The following ACOT7 variants were observed in gnomAD, a reference collection of about 807,000 sequenced individuals.
ACOT7 encodes the protein cytosolic acyl coenzyme A thioester hydrolase.
A neutral mutation model predicts 40.2 loss-of-function variants in ACOT7; 12 were observed. The ratio of observed to expected loss-of-function variants is 0.30; its 90% CI spans 0.19 to 0.48. The LOEUF (loss-of-function observed/expected upper bound fraction) is 0.48, where lower values mean the gene tolerates loss of function less well. Among genes scored for constraint, ACOT7 ranks in the 20% least tolerant of loss-of-function variants. ACOT7 has a pLI of 0.99. For synonymous variants in ACOT7, 228 were observed against 219.5 expected, an observed-to-expected ratio of 1.04 and a Z score of -0.34; for missense variants, 395 against 530.8, an observed-to-expected ratio of 0.74 and a Z score of 2.51.
At chr1:6,295,064 C>T in intron 6 of ACOT7, 84 bp from the exon 7 acceptor site, 3 of 1,069,140 alleles carry the variant, frequency 2.8e-6, no homozygotes, top group Non-Finnish European at 4.2e-6. Flanking sequence ...ACAACTCGAG[C>T]CCTCCCCTCC....
chr1:6,354,202 A>G (rs1240743512), intron 1 of ACOT7, among the ~76,000 whole-genome samples: 3 of 152,078 alleles, frequency 2.0e-5, no homozygotes, highest in Non-Finnish European at 4.4e-5. Flanking sequence ...GCTGATGACA[A>G]GGGCTCTGAG....
intron 7 of ACOT7, among the ~76,000 whole-genome samples, chr1:6,287,476 T>C (rs1639536516): frequency 6.6e-6 from 1 of 152,144 alleles, no homozygotes; most frequent in African/African-American, 2.4e-5. Flanking sequence ...GAGAAGTAAA[T>C]GGTATGAAGC....
At chr1:6,383,249 G>A (rs1365114668) in intron 1 of ACOT7, among the ~76,000 whole-genome samples, 8 of 144,864 alleles carry the variant, frequency 5.5e-5, no homozygotes, top group Admixed American at 2.1e-4. Flanking sequence ...GTGTAGTGGC[G>A]CAATCTCAGC....
At chr1:6,392,028 C>A (rs1454619623) in intron 1 of ACOT7, among the ~76,000 whole-genome samples, 2 of 152,076 alleles carry the variant, frequency 1.3e-5, no homozygotes, top group Admixed American at 1.3e-4. Flanking sequence ...GCAGGGCTCC[C>A]CCAAAGACGT....
intron 5 of ACOT7, among the ~76,000 whole-genome samples, chr1:6,325,167 G>A (rs1640763419): frequency 6.6e-6 from 1 of 152,242 alleles, no homozygotes; most frequent in Non-Finnish European, 1.5e-5. Context: ...GGGAGGCCGA[G>A]GTGGGCGGAT....
chr1:6,313,871 G>C (rs1640411344), intron 6 of ACOT7, among the ~76,000 whole-genome samples: 1 of 152,126 alleles, frequency 6.6e-6, no homozygotes, highest in Admixed American at 6.5e-5. Context: ...GGTGGCAGCT[G>C]AGCCTTTATT....
intron 2 of ACOT7, 99 bp from the exon 3 acceptor site, chr1:6,339,688 T>C: frequency 1.4e-6 from 2 of 1,450,060 alleles, no homozygotes; most frequent in Non-Finnish European, 1.8e-6. Flanking sequence ...GCCTTTGCTT[T>C]CATTCCCCAC....
chr1:6,268,676 G>A (rs539537364), intron 8 of ACOT7, among the ~76,000 whole-genome samples: 91 of 152,336 alleles, frequency 6.0e-4, no homozygotes, highest in Non-Finnish European at 1.1e-3. Context: ...CCACGCACGC[G>A]GCACGGCCCG....
At chr1:6,345,453 G>A (rs1040786057) in intron 2 of ACOT7, among the ~76,000 whole-genome samples, 2 of 152,204 alleles carry the variant, frequency 1.3e-5, no homozygotes, top group South Asian at 2.1e-4. Context: ...ACCTCTCCAC[G>A]TCTCAGTCTC....
chr1:6,269,865 C>T (rs1344064644), intron 8 of ACOT7, among the ~76,000 whole-genome samples: 1 of 152,246 alleles, frequency 6.6e-6, no homozygotes, highest in Non-Finnish European at 1.5e-5. Flanking sequence ...GCGTGGAGTG[C>T]CCGCCCATAA....
chr1:6,372,645 G>A (rs1642154042), intron 1 of ACOT7, among the ~76,000 whole-genome samples: 1 of 151,152 alleles, frequency 6.6e-6, no homozygotes, highest in South Asian at 2.1e-4. Flanking sequence ...CCACCTCTGG[G>A]TTCAAGAGGT....
At chr1:6,268,214 G>C (rs1198195841) in intron 8 of ACOT7, among the ~76,000 whole-genome samples, 1 of 152,104 alleles carries the variant, frequency 6.6e-6, no homozygotes, top group Non-Finnish European at 1.5e-5. Flanking sequence ...CCTGGAAGTG[G>C]GTGAACAGAA....
intron 1 of ACOT7, among the ~76,000 whole-genome samples, chr1:6,390,059 C>A (rs1242176387): frequency 1.3e-5 from 2 of 152,184 alleles, no homozygotes; most frequent in Non-Finnish European, 2.9e-5. Flanking sequence ...CCTTAAAGGG[C>A]TCCCCATCCT....
chr1:6,275,961 T>A lies in ACOT7; in HGVS notation c.1014+5141A>T. Reference sequence around the variant, plus strand: ...GTTGCACAGTTGGAGCCTCGGCTAATCTGGGGACACATCCCCTCCCCAGTG... The same window carrying A: ...GTTGCACAGTTGGAGCCTCGGCTAAACTGGGGACACATCCCCTCCCCAGTG... On this transcript the variant is annotated intron_variant, in intron 8 of 8. Coordinates refer to ENST00000361521, the MANE Select transcript of ACOT7 (RefSeq NM_007274.4). The surrounding 1 kb of genome is among the most constrained non-coding windows in gnomAD (Gnocchi z 5.6). 6.6e-6 allele frequency among the ~76,000 whole-genome samples: 1 copy of A among 152,160 alleles called. No homozygotes were observed. Among genetic ancestry groups the A allele is most frequent in the East Asian group, 1.9e-4 (1 of 5,182 alleles).
Position 6,373,199 on chromosome 1 carries a change from C to G in ACOT7, c.143+20058G>C, listed in dbSNP as rs937152666. Among the ~76,000 whole-genome samples the G allele has an allele frequency of 4.6e-5, 7 of 152,046 alleles. No homozygotes were observed. In the South Asian group the frequency reaches 1.5e-3, roughly 32 times the overall value. On this transcript the variant is annotated intron_variant, in intron 1 of 8. Transcript: ENST00000361521. ...ATATGATATAGACACACTACATGAG[C>G]ACAGGCTGGCCGAAAAATGGTGCCA...
Position 6,311,872 on chromosome 1 carries a change from C to A in ACOT7, c.712+6620G>T, listed in dbSNP as rs1221276791. On this transcript the variant is annotated intron_variant, in intron 6 of 8. Transcript: ENST00000361521. The surrounding 1 kb of genome is among the most constrained non-coding windows in gnomAD (Gnocchi z 5.2). Reference sequence around the variant, plus strand: ...ATTCCCTGGGGAGCTTGGGACACTACAGCTCCTGGACACCCCTCACCCCGA... The same window carrying A: ...ATTCCCTGGGGAGCTTGGGACACTAAAGCTCCTGGACACCCCTCACCCCGA... 1.3e-5 allele frequency among the ~76,000 whole-genome samples: 2 copies of A among 152,196 alleles called. No homozygotes were observed.
chr1:6,309,256 C>T (rs572766264), intron 6 of ACOT7, among the ~76,000 whole-genome samples: 15 of 152,264 alleles, frequency 9.9e-5, no homozygotes, highest in Admixed American at 3.3e-4. Flanking sequence ...TGGACTTGGA[C>T]GGGACAGCGG....
intron 4 of ACOT7, among the ~76,000 whole-genome samples, chr1:6,327,752 G>C (rs1414390791): frequency 6.6e-6 from 1 of 152,088 alleles, no homozygotes; most frequent in Admixed American, 6.5e-5. Flanking sequence ...TGGGCACTTA[G>C]CTTGTTCCCA....
chr1:6,295,118 G>C, intron 6 of ACOT7, 138 bp from the exon 7 acceptor site: 2 of 613,066 alleles, frequency 3.3e-6, no homozygotes, highest in Middle Eastern at 6.2e-4. Flanking sequence ...GGTGCAGGGT[G>C]CTCGGCCGCA....
Sources: allele counts gnomAD v4.1 joint callset (sites outside exome capture counted in the v4.1 genomes callset), GRCh38; gene constraint gnomAD v4.1.1; non-coding constraint Gnocchi (gnomAD v3.1); transcripts MANE v1.5; gene names NCBI Gene and HGNC (gene_info 2026-07-23, HGNC 2026-07-21).